Variants in DNAH7 observed in about 807,000 individuals in gnomAD.
The protein encoded by DNAH7 is axonemal beta dynein heavy chain 7.
A neutral mutation model predicts 444.6 loss-of-function variants in DNAH7; 397 were observed. The observed-to-expected ratio is 0.89, with a 90% CI of 0.82 to 0.97. DNAH7 has a LOEUF of 0.97. Among genes scored for constraint, DNAH7 ranks in the 50% least tolerant of loss-of-function variants. The pLI is 0.00. For synonymous variants in DNAH7, 1,636 were observed against 1,624.4 expected (o/e 1.01, Z -0.17); for missense variants, 4,902 against 4,800.8 (o/e 1.02, Z -0.62).
At chr2:195,828,914 A>G (rs1054708281) in intron 48 of DNAH7, among the ~76,000 whole-genome samples, 1 of 151,566 alleles carries the variant, frequency 6.6e-6, no homozygotes, top group Non-Finnish European at 1.5e-5. Flanking sequence ...CTCCAAACTT[A>G]CTCTTTTGAA....
chr2:195,880,598 A>G (rs1385271412), intron 36 of DNAH7, among the ~76,000 whole-genome samples: 7 of 152,090 alleles, frequency 4.6e-5, no homozygotes, highest in African/African-American at 1.7e-4. Flanking sequence ...TCGGCCTCCC[A>G]AAGTGCTGGG....
At chr2:195,862,593 A>C (rs1278188548) in intron 41 of DNAH7, among the ~76,000 whole-genome samples, 2 of 151,970 alleles carry the variant, frequency 1.3e-5, no homozygotes, top group Non-Finnish European at 2.9e-5. Flanking sequence ...CTGTTATACC[A>C]CTTCCCCCCA....
chr2:195,990,253 T>A (rs1167546299), intron 12 of DNAH7, among the ~76,000 whole-genome samples: 1 of 152,040 alleles, frequency 6.6e-6, no homozygotes, highest in Non-Finnish European at 1.5e-5. Context: ...GATTTTTATA[T>A]GGTGAGAGAC....
At position 196,026,848 on chromosome 2, in the gene DNAH7, T is replaced by C; in HGVS notation, c.579A>G (p.Pro193=). 1 of 1,612,560 alleles carries C rather than the reference T, an allele frequency of 6.2e-7. No homozygotes were observed. The highest frequency in any genetic ancestry group is 8.5e-7 in the Non-Finnish European group (1 of 1,178,846). The part of the protein sequence containing the change: ...SWLEHVLDLV[P]QHLKVFTDSI... ...TGTCAGTGAAGACTTTCAGATGTTGTGGAACTAAATCCAGTACGTGTTCTA... is the reference window on the plus strand; with the variant it reads ...TGTCAGTGAAGACTTTCAGATGTTGCGGAACTAAATCCAGTACGTGTTCTA... Residue 193 remains proline (P), a synonymous_variant, in exon 7 of 65, where the codon CCA becomes CCG. Transcript: ENST00000312428.
intron 57 of DNAH7, among the ~76,000 whole-genome samples, chr2:195,791,985 G>A (rs1695896817): frequency 6.6e-6 from 1 of 152,006 alleles, no homozygotes; most frequent in Non-Finnish European, 1.5e-5. Flanking sequence ...GGCCAACATG[G>A]TGAAACCCAG....
intron 57 of DNAH7, 21 bp from the exon 58 acceptor site, chr2:195,787,192 G>C: frequency 6.4e-7 from 1 of 1,567,596 alleles, no homozygotes; most frequent in Non-Finnish European, 8.6e-7. Flanking sequence ...AAGAAATGAT[G>C]CCGCATCATT....
chr2:195,998,564 CAAA>C (rs539748720), intron 12 of DNAH7, among the ~76,000 whole-genome samples: 5 of 96,918 alleles, frequency 5.2e-5, no homozygotes, highest in Admixed American at 1.1e-4. Context: ...GACTCCAACT[CAAA>C]AAAAAAAAAA....
At chr2:195,976,743 C>CAGAGAGAGAGAGAGAGAGAGAG (rs1692212889) in intron 15 of DNAH7, among the ~76,000 whole-genome samples, 3 of 18,350 alleles carry the variant, frequency 1.6e-4, no homozygotes, top group Non-Finnish European at 5.3e-4. Context: ...GACAGAGAGG[C>CAGAGAGAGAGAGAGAGAGAGAG]AGACAGAGAG....
At chr2:196,050,329 C>T (rs1462706834) in intron 3 of DNAH7, among the ~76,000 whole-genome samples, 1 of 151,418 alleles carries the variant, frequency 6.6e-6, no homozygotes, top group African/African-American at 2.4e-5. Flanking sequence ...GGTGGTTTGC[C>T]AGGAGGTGGG....
chr2:195,811,507 C>T (rs182304803), intron 51 of DNAH7, among the ~76,000 whole-genome samples: 3 of 152,200 alleles, frequency 2.0e-5, no homozygotes, highest in East Asian at 1.9e-4. Context: ...CATGTCATCA[C>T]GCCAGGCTAA....
chr2:195,891,778 T>G lies in DNAH7; in HGVS notation c.4923A>C (p.Gln1641His). 6.3e-7 allele frequency: 1 copy of G among 1,596,422 alleles called. No individual in the cohort carries two copies. ...CAGACTTAGGATTTAAAACAGTTAT[T>G]TGAACTTTGTTTTCTTCCATTAGCC... ...EKGLMEENKV[Q>H]ITVLNPKSVT... The change falls in exon 31 of 65, where the codon CAA becomes CAC. Residue 1641 changes from glutamine (Q) to histidine (H), a missense_variant. Physicochemically the swap from Gln to His is conservative, Grantham distance 24. Transcript: ENST00000312428.
chr2:195,757,028 A>C (rs1045963738), intron 61 of DNAH7, among the ~76,000 whole-genome samples: 5 of 151,946 alleles, frequency 3.3e-5, no homozygotes, highest in African/African-American at 1.2e-4. Context: ...GGGTCTTACT[A>C]TATTGCCCAT....
At chr2:195,807,388 C>G (rs1696762798) in intron 53 of DNAH7, among the ~76,000 whole-genome samples, 1 of 152,084 alleles carries the variant, frequency 6.6e-6, no homozygotes, top group South Asian at 2.1e-4. Flanking sequence ...GAACTCCTGA[C>G]CTCAAGTGAT....
chr2:196,035,662 G>A lies in DNAH7; in HGVS notation c.399-7615C>T, dbSNP rs192384226. Among the ~76,000 whole-genome samples the A allele has an allele frequency of 5.9e-5, 9 of 152,332 alleles. No individual in the cohort carries two copies. The East Asian group carries it at 1.7e-3, about 29-fold the overall frequency. ...CAGAGAAAAAACAGGGACCCTCTGA[G>A]GCATGGAAAACTTAAGATGGCAATG... On this transcript the variant is annotated intron_variant, in intron 5 of 64. Coordinates refer to ENST00000312428, the MANE Select transcript of DNAH7 (RefSeq NM_018897.3).
In DNAH7 at chr2:195,861,854, CAT is replaced by C. The variant is rs1700036235; in HGVS notation, c.7597_7598del (p.Met2533ValfsTer2). On this transcript the variant is annotated frameshift_variant, in exon 42 of 65. Coordinates refer to ENST00000312428, the MANE Select transcript of DNAH7 (RefSeq NM_018897.3). LOFTEE classifies it high-confidence loss of function. ...SEEIRDGCID[M>X]CKSFHTSTID... is the part of the protein sequence containing the mutation. Reference sequence around the variant, plus strand: ...TAGTAGAAGTGTGGAAGCTTTTACACATGTCGATACAGCCATCTCGTATTTCC... The same window carrying C: ...TAGTAGAAGTGTGGAAGCTTTTACACGTCGATACAGCCATCTCGTATTTCC... 2 of 1,613,896 alleles carry C rather than the reference CAT, an allele frequency of 1.2e-6. No homozygotes were observed. Among genetic ancestry groups the C allele is most frequent in the South Asian group, 1.1e-5 (1 of 91,082 alleles).
intron 46 of DNAH7, among the ~76,000 whole-genome samples, chr2:195,852,941 GAGAGAGAC>G (rs1201427496): frequency 1.1e-4 from 16 of 148,620 alleles, no homozygotes; most frequent in African/African-American, 2.8e-4. Context: ...GAGAGAGAGA[GAGAGAGAC>G]AGAGTTCTGA....
At chr2:195,831,174 A>G (rs1198565009) in intron 48 of DNAH7, among the ~76,000 whole-genome samples, 6 of 152,228 alleles carry the variant, frequency 3.9e-5, no homozygotes, top group African/African-American at 1.4e-4. Flanking sequence ...TATCAGCAAT[A>G]TTTGTATGAT....
intron 58 of DNAH7, among the ~76,000 whole-genome samples, chr2:195,782,335 A>C (rs1439337404): frequency 3.9e-5 from 6 of 152,190 alleles, no homozygotes; most frequent in Non-Finnish European, 8.8e-5. Flanking sequence ...TACATGACTC[A>C]AGTATAGCAG....
intron 25 of DNAH7, among the ~76,000 whole-genome samples, 175 bp downstream of exon 25, chr2:195,909,852 C>A (rs1037227866): frequency 1.3e-5 from 2 of 152,130 alleles, no homozygotes; most frequent in African/African-American, 4.8e-5. Context: ...AGATTCTCTG[C>A]AAATAGGGTT....
Sources: gnomAD v4.1 joint callset for allele counts (sites outside exome capture counted in the v4.1 genomes callset) on GRCh38, gnomAD v4.1.1 for gene constraint, MANE v1.5 for transcripts, NCBI Gene and HGNC (gene_info 2026-07-23, HGNC 2026-07-21) for gene names.